The following HIVEP3 variants were observed in gnomAD, a reference collection of about 807,000 sequenced individuals.
HIVEP3 encodes the protein transcription factor HIVEP3.
A neutral mutation model predicts 152.8 loss-of-function variants in HIVEP3; 49 were observed. The ratio of observed to expected loss-of-function variants is 0.32; its 90% CI spans 0.26 to 0.41. HIVEP3 has a LOEUF of 0.41. HIVEP3 is among the 10% of genes least tolerant of loss of function. The probability of loss-of-function intolerance (pLI) is 1.00; values close to 1 mark genes in which losing one functional copy is unlikely to be tolerated. For synonymous variants in HIVEP3, 1,269 were observed against 1,289.0 expected, an observed-to-expected ratio of 0.98 and a Z score of 0.33; for missense variants, 2,790 against 3,103.3, an observed-to-expected ratio of 0.90 and a Z score of 2.40.
intron 3 of HIVEP3, among the ~76,000 whole-genome samples, chr1:41,625,576 CA>C (rs1445349393): frequency 6.6e-6 from 1 of 152,012 alleles, no homozygotes; most frequent in Admixed American, 6.5e-5. Context: ...AAATAAATGT[CA>C]AAAACTAGAC....
At chr1:41,930,493 G>GAT (rs1181148283) in intron 1 of HIVEP3, among the ~76,000 whole-genome samples, 2 of 152,054 alleles carry the variant, frequency 1.3e-5, no homozygotes, top group African/African-American at 4.8e-5. Context: ...CCATTTTATG[G>GAT]ATATATCACT....
intron 1 of HIVEP3, among the ~76,000 whole-genome samples, chr1:41,753,464 T>G (rs943858555): frequency 1.3e-5 from 2 of 151,988 alleles, no homozygotes; most frequent in African/African-American, 4.8e-5. Context: ...GGTCAGGAGT[T>G]CAAGACCAGC....
chr1:41,826,818 AC>A (rs1642818844), intron 1 of HIVEP3, among the ~76,000 whole-genome samples: 1 of 152,118 alleles, frequency 6.6e-6, no homozygotes, highest in Non-Finnish European at 1.5e-5. Flanking sequence ...TGACTTCAAA[AC>A]CTGCTTGGGC....
chr1:41,676,339 C>T (rs753807540), intron 2 of HIVEP3, among the ~76,000 whole-genome samples: 10 of 152,136 alleles, frequency 6.6e-5, no homozygotes, highest in Non-Finnish European at 1.3e-4. Context: ...CGTGAGCCAC[C>T]GTGCCCGGCA....
intron 2 of HIVEP3, among the ~76,000 whole-genome samples, chr1:41,695,057 T>A (rs1405931479): frequency 1.3e-5 from 2 of 152,130 alleles, no homozygotes; most frequent in African/African-American, 2.4e-5. Context: ...CCTAGAAAAC[T>A]TGTTTCCCCC....
chr1:41,645,613 T>C (rs1313045072), intron 2 of HIVEP3, among the ~76,000 whole-genome samples: 1 of 152,160 alleles, frequency 6.6e-6, no homozygotes, highest in East Asian at 1.9e-4. Flanking sequence ...ATTGCATAAT[T>C]ACTTATTCTG....
At chr1:41,879,393 A>G (rs890584845) in intron 1 of HIVEP3, among the ~76,000 whole-genome samples, 1 of 152,208 alleles carries the variant, frequency 6.6e-6, no homozygotes, top group African/African-American at 2.4e-5. Context: ...CCCTCAGTGG[A>G]TTACAACACT....
In HIVEP3 at chr1:41,806,296, C is replaced by T. The variant is rs140466770; in HGVS notation, c.-800-105301G>A. Among the ~76,000 whole-genome samples, 524 of 152,336 alleles carry T rather than the reference C, an allele frequency of 3.4e-3. 3 individuals carry two copies. Among genetic ancestry groups the T allele is most frequent in the African/African-American group, 0.012 (497 of 41,576 alleles). On this transcript the variant is annotated intron_variant, in intron 1 of 8. Transcript: ENST00000372583. ...GACATAACCTTAGGAGACCCAGCCA[C>T]GGATCAACCTGACTACACAGCGTGG...
chr1:41,509,914 C>G lies in HIVEP3; in HGVS notation c.*537G>C, dbSNP rs1644425028. 1 of 150,920 alleles carries G rather than the reference C, an allele frequency of 6.6e-6. No homozygotes were observed. Among genetic ancestry groups the G allele is most frequent in the Non-Finnish European group, 1.5e-5 (1 of 67,994 alleles). The allele number at this position is 150,920 out of a possible 1,614,324, so 9.3% of individuals were successfully genotyped here. A position where few individuals can be genotyped will look rare whatever the true frequency, so the allele number is the denominator to read the frequency against. On this transcript the variant is annotated 3_prime_UTR_variant, in exon 9 of 9. Transcript: ENST00000372583. ...TGGGGGTCACCTGCCTGTGTTTGTG[C>G]CCCTCTGCCTGGGGACACTGGCCTT...
At chr1:41,574,832 T>C (rs137892172) in intron 5 of HIVEP3, among the ~76,000 whole-genome samples, 1,716 of 152,226 alleles carry the variant, frequency 0.011, 17 homozygotes, top group Non-Finnish European at 0.017. Context: ...GAAGCAAACA[T>C]GTGGCCACAC....
At position 41,662,069 on chromosome 1, in the gene HIVEP3, G is replaced by T. The variant is rs1422571488; in HGVS notation, c.-720-33122C>A. On this transcript the variant is annotated intron_variant, in intron 2 of 8. Coordinates refer to ENST00000372583, the MANE Select transcript of HIVEP3 (RefSeq NM_024503.5). This position sits in a 1 kb window ranked among gnomAD's most constrained non-coding sequence, Gnocchi z 7.2. ...CCGGTCCCTCTGCCGCCCGCTCGGC[G>T]GTGCCCGGTCCCTGGGCTGCCAGGC... 1 of 151,376 alleles carries T rather than the reference G, an allele frequency of 6.6e-6. No homozygotes were observed. Among genetic ancestry groups the T allele is most frequent in the Non-Finnish European group, 1.5e-5 (1 of 67,824 alleles). 9.4% of individuals were successfully genotyped at this position (151,376 alleles called of 1,614,324 possible).
Position 41,998,845 on chromosome 1 carries a change from A to C in HIVEP3, n.119+36962T>G, listed in dbSNP as rs367707409. ...ACTCTTATTTTGATAGCATCTACATAATAGAGAATCATTTTTGCTGGTTTT... is the reference window on the plus strand; with the variant it reads ...ACTCTTATTTTGATAGCATCTACATCATAGAGAATCATTTTTGCTGGTTTT... On this transcript the variant is annotated intron_variant and non_coding_transcript_variant, in intron 1 of 3. Transcript: ENST00000489103. Among the ~76,000 whole-genome samples the C allele has an allele frequency of 5.3e-4, 80 of 151,066 alleles. 1 individual carries two copies. In the East Asian group the frequency reaches 0.012, roughly 22 times the overall value.
intron 1 of HIVEP3, among the ~76,000 whole-genome samples, chr1:41,930,008 C>A (rs1301705856): frequency 6.6e-6 from 1 of 151,982 alleles, no homozygotes; most frequent in Non-Finnish European, 1.5e-5. Context: ...TTGTCTTTAG[C>A]CTTACAGAAT....
chr1:42,025,927 C>T (rs1161164186), intron 1 of HIVEP3, among the ~76,000 whole-genome samples: 2 of 151,884 alleles, frequency 1.3e-5, no homozygotes, highest in Non-Finnish European at 2.9e-5. Flanking sequence ...AAAAATTAGC[C>T]GGGCGTGGTG....
At chr1:41,737,361 C>T (rs1458262075) in intron 1 of HIVEP3, among the ~76,000 whole-genome samples, 2 of 152,198 alleles carry the variant, frequency 1.3e-5, no homozygotes, top group African/African-American at 4.8e-5. Flanking sequence ...CCAACCCCTG[C>T]AGTCCCATTT....
intron 1 of HIVEP3, among the ~76,000 whole-genome samples, chr1:41,981,906 G>T (rs746724034): frequency 4.0e-4 from 61 of 152,196 alleles, no homozygotes; most frequent in Non-Finnish European, 7.8e-4. Flanking sequence ...TGGGGGTCCA[G>T]GGGCTGCAGA....
intron 1 of HIVEP3, among the ~76,000 whole-genome samples, chr1:41,772,119 CT>C (rs765362825): frequency 6.6e-6 from 1 of 152,186 alleles, no homozygotes; most frequent in Non-Finnish European, 1.5e-5. Flanking sequence ...CTAGTGGTCA[CT>C]CTTACCAGAA....
At chr1:41,550,356 C>T (rs946520355) in intron 5 of HIVEP3, among the ~76,000 whole-genome samples, 15 of 152,262 alleles carry the variant, frequency 9.9e-5, no homozygotes, top group African/African-American at 2.6e-4. Flanking sequence ...CTTGGCAGTG[C>T]GGGCTTTTTT....
At chr1:41,623,365 G>A (rs773937802) in intron 3 of HIVEP3, among the ~76,000 whole-genome samples, 2 of 152,218 alleles carry the variant, frequency 1.3e-5, no homozygotes, top group Non-Finnish European at 2.9e-5. Context: ...TGCCACTGGT[G>A]GTGGGAGAGA....
Sources: gnomAD v4.1 joint callset for allele counts (sites outside exome capture counted in the v4.1 genomes callset) on GRCh38, gnomAD v4.1.1 for gene constraint, Gnocchi (gnomAD v3.1) non-coding constraint, MANE v1.5 for transcripts, NCBI Gene and HGNC (gene_info 2026-07-23, HGNC 2026-07-21) for gene names.